The following TNC variants were observed in gnomAD, a reference collection of about 807,000 sequenced individuals.
The protein encoded by TNC is tenascin C.
A neutral mutation model predicts 202.4 loss-of-function variants in TNC; 109 were observed. That is an observed-to-expected ratio of 0.54 (90% CI 0.46 to 0.63). TNC has a LOEUF of 0.63. TNC is among the 30% of genes least tolerant of loss of function. TNC has a pLI of 0.00. For synonymous variants in TNC, 1,007 were observed against 1,089.7 expected (o/e 0.92, Z 1.50); for missense variants, 2,756 against 2,833.3 (o/e 0.97, Z 0.62).
chr9:115,090,699 G>A lies in TNC; in HGVS notation c.320C>T (p.Pro107Leu), dbSNP rs1427388750. Residue 107 changes from proline (P) to leucine (L), a missense_variant, in exon 2 of 28, where the codon CCC (proline) becomes CTC (leucine). This residue lies in a region of TNC where 2,559 missense variants were observed against 2,546.0 expected (regional missense o/e 1.01). Coordinates refer to ENST00000350763, the MANE Select transcript of TNC (RefSeq NM_002160.4). ...QIVFTHRINIPRRACGCAAAP... is the reference protein window; with the variant it reads ...QIVFTHRINILRRACGCAAAP... The stretch of plus-strand genomic sequence containing the variant: ...TGCGGCACAGCCACAGGCCCGGCGG[G>A]GGATGTTGATGCGATGTGTGAAGAC... 5.0e-6 allele frequency: 8 copies of A among 1,614,176 alleles called. No homozygotes were observed. The highest frequency in any genetic ancestry group is 6.8e-6 in the Non-Finnish European group (8 of 1,180,010).
At chr9:115,030,467 C>A (rs1274376176) in intron 23 of TNC, 62 bp from the exon 24 acceptor site, 10 of 1,520,078 alleles carry the variant, frequency 6.6e-6, no homozygotes, top group Non-Finnish European at 8.0e-6. Flanking sequence ...GAGCTTAATT[C>A]TTAGCTTAAC....
chr9:115,078,141 G>C lies in TNC; in HGVS notation c.2476C>G (p.Pro826Ala), dbSNP rs777173710. 1.2e-6 allele frequency: 2 copies of C among 1,614,110 alleles called. No homozygotes were observed. The highest frequency in any genetic ancestry group is 3.3e-5 in the Admixed American group (2 of 60,028). The change falls in exon 7 of 28, where the codon CCC becomes GCC. Residue 826 changes from proline to alanine, a missense_variant. Around this residue, in one of 2 missense-constraint regions of TNC, gnomAD observed 2,559 missense variants for 2,546.0 expected, o/e 1.01. Transcript: ENST00000350763. Reference protein sequence around the residue: ...DTTALITWFKPLAEIDGIELT... With the variant: ...DTTALITWFKALAEIDGIELT... ...TCAATGCCATCGATCTCAGCCAGGG[G>C]CTTGAACCAGGTGATCAAGGCAGTG... is the stretch of plus-strand genomic sequence containing the variant.
intron 1 of TNC, 132 bp from the exon 2 acceptor site, chr9:115,091,286 C>A: frequency 2.3e-6 from 1 of 438,944 alleles, no homozygotes; most frequent in Non-Finnish European, 4.1e-6. Context: ...ATTATATACC[C>A]TTGAAATAAC....
chr9:115,058,451 C>A (rs1332020433), intron 14 of TNC, among the ~76,000 whole-genome samples: 2 of 152,164 alleles, frequency 1.3e-5, no homozygotes, highest in Non-Finnish European at 2.9e-5. Flanking sequence ...ACCCAAGCCA[C>A]AAGATCTGCA....
chr9:115,111,277 G>C (rs1837027896), intron 1 of TNC, among the ~76,000 whole-genome samples: 1 of 152,074 alleles, frequency 6.6e-6, no homozygotes, highest in African/African-American at 2.4e-5. Context: ...TTGAGTGTGG[G>C]ATGGCCCAGT....
chr9:115,021,838 A>AT (rs529143599), intron 27 of TNC, among the ~76,000 whole-genome samples: 110 of 151,562 alleles, frequency 7.3e-4, no homozygotes, highest in Non-Finnish European at 1.1e-3. Context: ...CGGTTTTACT[A>AT]TTTTTTTTTC....
At chr9:115,029,290 G>A (rs757616972) in intron 25 of TNC, 70 bp downstream of exon 25, 1 of 1,387,224 alleles carries the variant, frequency 7.2e-7, no homozygotes, top group Non-Finnish European at 1.0e-6. Context: ...ATAGGTCCCT[G>A]TGGGTTAGGA....
intron 25 of TNC, among the ~76,000 whole-genome samples, chr9:115,028,846 A>G (rs748891178): frequency 2.1e-4 from 29 of 140,584 alleles, no homozygotes; most frequent in Non-Finnish European, 3.8e-4. Flanking sequence ...ATCTTGCAAC[A>G]TGTGGATTCA....
Position 115,063,811 on chromosome 9 carries a change from CA to C in TNC, c.3744del (p.Val1249LeufsTer4). ...VTQDFSTTPL[S>X]VEVLTEEVPD... ...TCTAGAATACCTGTCAAGACTTCAACAGAGAGAGGGGTTGTGCTGAAGTCCT... is the reference window on the plus strand; with the variant it reads ...TCTAGAATACCTGTCAAGACTTCAACGAGAGAGGGGTTGTGCTGAAGTCCT... On this transcript the variant is annotated frameshift_variant, in exon 12 of 28. Coordinates refer to ENST00000350763, the MANE Select transcript of TNC (RefSeq NM_002160.4). LOFTEE classifies it high-confidence loss of function. The C allele has an allele frequency of 6.2e-7, 1 of 1,612,378 alleles. No individual in the cohort carries two copies. Among genetic ancestry groups the C allele is most frequent in the Non-Finnish European group, 8.5e-7 (1 of 1,178,638 alleles).
At chr9:115,046,849 G>C (rs1022715999) in intron 16 of TNC, among the ~76,000 whole-genome samples, 167 bp from the exon 17 acceptor site, 4 of 152,200 alleles carry the variant, frequency 2.6e-5, no homozygotes, top group African/African-American at 9.7e-5. Context: ...AACAAGTCCA[G>C]TAGAGTCAGG....
At chr9:115,028,126 A>G (rs1469329592) in intron 25 of TNC, among the ~76,000 whole-genome samples, 1 of 152,220 alleles carries the variant, frequency 6.6e-6, no homozygotes, top group Non-Finnish European at 1.5e-5. Flanking sequence ...CAAAATGTCT[A>G]CAAATGTAAT....
chr9:115,026,487 G>C, intron 26 of TNC, 47 bp downstream of exon 26: 1 of 1,578,336 alleles, frequency 6.3e-7, no homozygotes. Flanking sequence ...TAAATGTCAA[G>C]AAGGTCTCCA....
chr9:115,112,442 G>A (rs1396473134), intron 1 of TNC, among the ~76,000 whole-genome samples: 1 of 152,184 alleles, frequency 6.6e-6, no homozygotes, highest in East Asian at 1.9e-4. Flanking sequence ...AAATAAGGTT[G>A]AGGGGAATCC....
In TNC at chr9:115,097,953, A is replaced by T. The variant is rs538480943; in HGVS notation, c.-136-6799T>A. Among the ~76,000 whole-genome samples the T allele has an allele frequency of 2.6e-5, 4 of 152,314 alleles. No individual in the cohort carries two copies. The East Asian group carries it at 7.7e-4, about 29-fold the overall frequency. ...GCACCTCTGTAAGGCTAGGTGCCTA[A>T]CTGCTCACAGTTAGTCATCTGTTGA... On this transcript the variant is annotated intron_variant, in intron 1 of 27. Transcript: ENST00000350763.
In TNC at chr9:115,082,754, C is replaced by G. The variant is rs1317775204; in HGVS notation, c.2185G>C (p.Glu729Gln). Residue 729 changes from glutamate to glutamine, a missense_variant, in exon 5 of 28, where the codon GAA becomes CAA. Physicochemically the swap from Glu to Gln is conservative, Grantham distance 29. Transcript: ENST00000350763. ...KFKSIKETSVEVEWDPLDIAF... is the reference protein window; with the variant it reads ...KFKSIKETSVQVEWDPLDIAF... Reference sequence around the variant, plus strand: ...ATGTCTAGAGGATCCCACTCCACTTCCACAGATGTCTCCTTGATGGACTTG... The same window carrying G: ...ATGTCTAGAGGATCCCACTCCACTTGCACAGATGTCTCCTTGATGGACTTG... The G allele has an allele frequency of 1.2e-6, 2 of 1,614,184 alleles. No homozygotes were observed. The highest frequency in any genetic ancestry group is 2.7e-5 in the African/African-American group (2 of 75,046).
intron 1 of TNC, among the ~76,000 whole-genome samples, chr9:115,107,725 T>C (rs1836725284): frequency 6.6e-6 from 1 of 152,216 alleles, no homozygotes; most frequent in Admixed American, 6.5e-5. Flanking sequence ...CTGGGCTGAC[T>C]CCTAAAGGAA....
intron 1 of TNC, among the ~76,000 whole-genome samples, chr9:115,111,688 A>G (rs1819419): frequency 0.35 from 53,366 of 151,758 alleles, 10,757 homozygotes; most frequent in South Asian, 0.47. Flanking sequence ...TGGGATTAAG[A>G]GGTGTGAGCG....
rs766170953 is a variant in TNC, at chr9:115,059,837, C to T, written c.4199G>A (p.Arg1400Lys). ...AQNLTLPGSL[R>K]AVDIPGLEAA... is the part of the protein sequence containing the mutation. ...CTCGAGGCCCGGGATGTCCACAGCC[C>T]TGAGGCTGCCAGGCAACGTGAGGTT... Residue 1400 changes from arginine (R) to lysine (K), a missense_variant, in exon 14 of 28, where the codon AGG (arginine) becomes AAG (lysine). This residue lies in a region of TNC where 2,559 missense variants were observed against 2,546.0 expected (regional missense o/e 1.01). Transcript: ENST00000350763. 6.8e-6 allele frequency: 11 copies of T among 1,614,006 alleles called. No individual in the cohort carries two copies. The highest frequency in any genetic ancestry group is 1.7e-5 in the Admixed American group (1 of 60,000).
Position 115,021,054 on chromosome 9 carries a change from G to A in TNC, c.*103C>T. On this transcript the variant is annotated 3_prime_UTR_variant, in exon 28 of 28. Coordinates refer to ENST00000350763, the MANE Select transcript of TNC (RefSeq NM_002160.4). ...TGGTCAGCTTTGACTCTCACCAAAT[G>A]CCCAGGTGTGGACCGATGGTTGGGC... 1 of 913,910 alleles carries A rather than the reference G, an allele frequency of 1.1e-6. No homozygotes were observed. 56.6% of individuals were successfully genotyped at this position (913,910 alleles called of 1,614,324 possible).
Sources: allele counts gnomAD v4.1 joint callset (sites outside exome capture counted in the v4.1 genomes callset), GRCh38; gene constraint gnomAD v4.1.1; regional missense constraint gnomAD v4.1.1; transcripts MANE v1.5; gene names NCBI Gene and HGNC (gene_info 2026-07-23, HGNC 2026-07-21).